Variants in RNF180 observed in about 807,000 individuals in gnomAD.
RNF180 encodes the protein E3 ubiquitin-protein ligase RNF180.
Under a neutral mutation model 59.2 loss-of-function variants are expected in RNF180, and 38 were observed. That is an observed-to-expected ratio of 0.64 (90% CI 0.50 to 0.84). The LOEUF (loss-of-function observed/expected upper bound fraction) is 0.84, where lower values mean the gene tolerates loss of function less well. Among genes scored for constraint, RNF180 ranks in the 40% least tolerant of loss-of-function variants. The pLI is 0.00. For missense variants in RNF180, 705 were observed against 700.9 expected (o/e 1.01, Z -0.07); for synonymous variants, 262 against 240.3 (o/e 1.09, Z -0.84).
At chr5:64,311,808 C>T (rs1254498908) in intron 5 of RNF180, among the ~76,000 whole-genome samples, 1 of 151,964 alleles carries the variant, frequency 6.6e-6, no homozygotes. Flanking sequence ...ATAGCCATAA[C>T]CATGTGCTCT....
chr5:64,349,632 C>T (rs1428840475), intron 7 of RNF180, among the ~76,000 whole-genome samples: 1 of 151,980 alleles, frequency 6.6e-6, no homozygotes, highest in Non-Finnish European at 1.5e-5. Flanking sequence ...GTTCCCCTTC[C>T]TGTGTCCAAG....
intron 5 of RNF180, among the ~76,000 whole-genome samples, chr5:64,285,823 C>T (rs1321852242): frequency 6.6e-6 from 1 of 152,096 alleles, no homozygotes; most frequent in Non-Finnish European, 1.5e-5. Flanking sequence ...AAGGGACATC[C>T]CTGGCCCTGC....
chr5:64,343,608 A>T (rs1745443409), intron 7 of RNF180, among the ~76,000 whole-genome samples: 1 of 151,842 alleles, frequency 6.6e-6, no homozygotes, highest in African/African-American at 2.4e-5. Context: ...AAAAAATCTT[A>T]AAAACATCTA....
At position 64,231,794 on chromosome 5, in the gene RNF180, A is replaced by G. The variant is rs577618780; in HGVS notation, c.1227+14398A>G. 3.3e-5 allele frequency among the ~76,000 whole-genome samples: 5 copies of G among 152,300 alleles called. No individual in the cohort carries two copies. The East Asian group carries it at 9.6e-4, about 29-fold the overall frequency. Reference sequence around the variant, plus strand: ...CTTATATTAGGTGAATGCGTTTATTATTGGGGTTAAGCTTAAGGAAGAAAG... The same window carrying G: ...CTTATATTAGGTGAATGCGTTTATTGTTGGGGTTAAGCTTAAGGAAGAAAG... On this transcript the variant is annotated intron_variant, in intron 5 of 7. Transcript: ENST00000389100.
In RNF180 at chr5:64,330,417, C is replaced by G. The variant is rs1449099184; in HGVS notation, c.1579+11C>G. On this transcript the variant is annotated intron_variant, in intron 7 of 7. Coordinates refer to ENST00000389100, the MANE Select transcript of RNF180 (RefSeq NM_001113561.2). ...TTCATCTTTTTGGAGGTAAGGAAATCTAACGCCAAAAAAAAAGTCTGGTAA... is the reference window on the plus strand; with the variant it reads ...TTCATCTTTTTGGAGGTAAGGAAATGTAACGCCAAAAAAAAAGTCTGGTAA... The G allele has an allele frequency of 3.9e-6, 6 of 1,526,144 alleles. No individual in the cohort carries two copies. The East Asian group carries it at 1.2e-4, about 31-fold the overall frequency. 94.5% of individuals were successfully genotyped at this position (1,526,144 alleles called of 1,614,324 possible).
At chr5:64,300,296 C>T (rs564448246) in intron 5 of RNF180, among the ~76,000 whole-genome samples, 5 of 151,800 alleles carry the variant, frequency 3.3e-5, no homozygotes, top group South Asian at 2.1e-4. Flanking sequence ...CCTCAAATTG[C>T]GAAAGTTAAA....
intron 5 of RNF180, among the ~76,000 whole-genome samples, chr5:64,306,966 A>G (rs1416415362): frequency 2.0e-5 from 3 of 151,328 alleles, no homozygotes; most frequent in Admixed American, 6.6e-5. Context: ...CTAAAACTTA[A>G]AGTATAATAA....
chr5:64,194,259 G>T (rs112575588), intron 1 of RNF180, among the ~76,000 whole-genome samples: 1 of 151,992 alleles, frequency 6.6e-6, no homozygotes, highest in Admixed American at 6.6e-5. Context: ...GCAGTGTTTG[G>T]TTTTTTGTCC....
At chr5:64,172,390 A>G (rs1264086588) in intron 1 of RNF180, among the ~76,000 whole-genome samples, 1 of 151,236 alleles carries the variant, frequency 6.6e-6, no homozygotes, top group Non-Finnish European at 1.5e-5. Context: ...CACCCCCCAC[A>G]AGGAATGGGT....
Position 64,213,872 on chromosome 5 carries a change from C to G in RNF180, c.546C>G (p.Leu182=), listed in dbSNP as rs1752456224. ...NNDPGRLTEA[L]CLEVRPTYFE... is the part of the protein sequence containing the mutation. Reference sequence around the variant, plus strand: ...ACCCTGGAAGATTAACAGAAGCACTCTGCCTGGAGGTGCGACCAACATATT... The same window carrying G: ...ACCCTGGAAGATTAACAGAAGCACTGTGCCTGGAGGTGCGACCAACATATT... Residue 182 remains leucine, a synonymous_variant, in exon 4 of 8, where the codon CTC becomes CTG. Transcript: ENST00000389100. 2 of 1,614,094 alleles carry G rather than the reference C, an allele frequency of 1.2e-6. No individual in the cohort carries two copies. The highest frequency in any genetic ancestry group is 1.7e-6 in the Non-Finnish European group (2 of 1,180,012).
chr5:64,171,023 G>A (rs762743666), intron 1 of RNF180, among the ~76,000 whole-genome samples: 37 of 151,974 alleles, frequency 2.4e-4, no homozygotes, highest in African/African-American at 7.5e-4. Flanking sequence ...GGTCTATTAG[G>A]GATCTACATT....
Position 64,369,891 on chromosome 5 carries a change from TTG to T in RNF180, c.*78_*79del. 1 of 836,136 alleles carries T rather than the reference TTG, an allele frequency of 1.2e-6. No individual in the cohort carries two copies. The highest frequency in any genetic ancestry group is 1.7e-6 in the Non-Finnish European group (1 of 572,500). The allele number at this position is 836,136 out of a possible 1,614,324, so 51.8% of individuals were successfully genotyped here. A position where few individuals can be genotyped will look rare whatever the true frequency, so the allele number is the denominator to read the frequency against. On this transcript the variant is annotated 3_prime_UTR_variant, in exon 8 of 8. Transcript: ENST00000389100. ...TTGCTTAAACATTTTTAAATGTGCT[TTG>T]AAGTTTTTTTAATGTTGCATTATAC...
At chr5:64,283,087 C>A (rs934810039) in intron 5 of RNF180, among the ~76,000 whole-genome samples, 5 of 152,116 alleles carry the variant, frequency 3.3e-5, no homozygotes, top group Non-Finnish European at 7.4e-5. Context: ...TCTAATATTA[C>A]TAGCACAATG....
intron 5 of RNF180, among the ~76,000 whole-genome samples, chr5:64,304,176 T>A (rs1195908855): frequency 6.6e-6 from 1 of 151,654 alleles, no homozygotes; most frequent in East Asian, 1.9e-4. Context: ...TTGTTGACAG[T>A]GTACCTAGTC....
chr5:64,300,343 A>G (rs2112451966), intron 5 of RNF180, among the ~76,000 whole-genome samples: 1 of 151,962 alleles, frequency 6.6e-6, no homozygotes, highest in Admixed American at 6.6e-5. Context: ...ACAGTTCCTG[A>G]CTTAACGATG....
chr5:64,321,223 G>T (rs1352548636), intron 5 of RNF180, among the ~76,000 whole-genome samples: 1 of 152,124 alleles, frequency 6.6e-6, no homozygotes, highest in African/African-American at 2.4e-5. Context: ...AGGAAGAGAG[G>T]AAATCAAATT....
chr5:64,319,735 C>T (rs1164934393), intron 5 of RNF180, among the ~76,000 whole-genome samples: 1 of 152,142 alleles, frequency 6.6e-6, no homozygotes, highest in African/African-American at 2.4e-5. Flanking sequence ...AAGAAGTGTT[C>T]CCTTTTAATA....
chr5:64,241,258 A>G (rs1036546486), intron 5 of RNF180, among the ~76,000 whole-genome samples: 8 of 152,148 alleles, frequency 5.3e-5, no homozygotes, highest in African/African-American at 1.9e-4. Context: ...AATTCTAAAT[A>G]TTTTACTCAT....
At chr5:64,201,124 A>G (rs1561184880) in intron 2 of RNF180, among the ~76,000 whole-genome samples, 182 bp downstream of exon 2, 1 of 152,216 alleles carries the variant, frequency 6.6e-6, no homozygotes, top group African/African-American at 2.4e-5. Flanking sequence ...GGTATTCAAA[A>G]AGCATCCCCT....
Sources: gnomAD v4.1 joint callset for allele counts (sites outside exome capture counted in the v4.1 genomes callset) on GRCh38, gnomAD v4.1.1 for gene constraint, MANE v1.5 for transcripts, NCBI Gene and HGNC (gene_info 2026-07-23, HGNC 2026-07-21) for gene names.